Variants in ARHGAP6 observed in about 807,000 individuals in gnomAD.
ARHGAP6 encodes Rho GTPase activating protein 6, also known as rho GTPase-activating protein 6.
A neutral mutation model predicts 55.7 loss-of-function variants in ARHGAP6; 16 were observed. The observed-to-expected ratio is 0.29, with a 90% CI of 0.19 to 0.44. ARHGAP6 has a LOEUF of 0.44. Ranked by LOEUF, ARHGAP6 falls within the 20% of genes least tolerant of loss-of-function variation. The pLI is 1.00. For missense variants in ARHGAP6, 698 were observed against 808.9 expected (o/e 0.86, Z 1.66); for synonymous variants, 382 against 360.9 (o/e 1.06, Z -0.66).
intron 1 of ARHGAP6, among the ~76,000 whole-genome samples, chrX:11,567,696 C>T (rs892184202): frequency 9.2e-6 from 1 of 109,245 alleles, no homozygotes; most frequent in African/African-American, 3.3e-5. Context: ...GGGTCTTGCT[C>T]TGTCGCCCAG....
chrX:11,299,094 T>C, intron 1 of ARHGAP6: 2 of 897,434 alleles, frequency 2.2e-6, no homozygotes, highest in Non-Finnish European at 3.2e-6. Flanking sequence ...TACAGGTCTA[T>C]GATTCTATTA....
intron 2 of ARHGAP6, among the ~76,000 whole-genome samples, chrX:11,227,102 A>G (rs1371586585): frequency 2.7e-5 from 3 of 112,188 alleles, no homozygotes; most frequent in Non-Finnish European, 5.6e-5. Flanking sequence ...CTCTACACTA[A>G]CTGAGATGTG....
intron 1 of ARHGAP6, among the ~76,000 whole-genome samples, chrX:11,576,221 T>C (rs1327303453): frequency 8.9e-6 from 1 of 112,108 alleles, no homozygotes; most frequent in Non-Finnish European, 1.9e-5. Flanking sequence ...GATTGGCCTC[T>C]TTTAGGGTGA....
intron 8 of ARHGAP6, among the ~76,000 whole-genome samples, chrX:11,176,275 T>G (rs6639054): frequency 2.0e-5 from 1 of 49,154 alleles, no homozygotes; most frequent in Non-Finnish European, 3.8e-5. Context: ...TTGCATATAT[T>G]TATATATTTA....
chrX:11,445,625 T>C (rs2050085206), intron 1 of ARHGAP6, among the ~76,000 whole-genome samples: 1 of 112,061 alleles, frequency 8.9e-6, no homozygotes, highest in Non-Finnish European at 1.9e-5. Context: ...AATCTGGAAC[T>C]TTGCAACATC....
intron 1 of ARHGAP6, among the ~76,000 whole-genome samples, chrX:11,625,459 T>G (rs1238882106): frequency 9.0e-6 from 1 of 111,204 alleles, no homozygotes; most frequent in Non-Finnish European, 1.9e-5. Context: ...ATACTTCACG[T>G]TCTCACTCAT....
intron 1 of ARHGAP6, among the ~76,000 whole-genome samples, chrX:11,460,449 C>G (rs1320250467): frequency 9.0e-6 from 1 of 111,393 alleles, no homozygotes; most frequent in Non-Finnish European, 1.9e-5. Flanking sequence ...CCTGTATGAT[C>G]CTGAGTGCAG....
intron 2 of ARHGAP6, among the ~76,000 whole-genome samples, chrX:11,220,389 C>T (rs1268978501): frequency 4.5e-5 from 5 of 111,256 alleles, no homozygotes; most frequent in East Asian, 2.8e-4. Context: ...AAAGAAAGGT[C>T]GGGTTACCCT....
chrX:11,308,474 C>G (rs2048260449), intron 1 of ARHGAP6, among the ~76,000 whole-genome samples: 1 of 111,829 alleles, frequency 8.9e-6, no homozygotes, highest in Admixed American at 9.4e-5. Flanking sequence ...GGCCACAGGA[C>G]AGAGCTGAAC....
intron 1 of ARHGAP6, among the ~76,000 whole-genome samples, chrX:11,424,734 C>T (rs143182023): frequency 8.9e-6 from 1 of 112,380 alleles, no homozygotes; most frequent in African/African-American, 3.2e-5. Flanking sequence ...AAGGACAACA[C>T]CCAGCTGGAA....
At chrX:11,438,676 C>G (rs995822057) in intron 1 of ARHGAP6, among the ~76,000 whole-genome samples, 8 of 112,932 alleles carry the variant, frequency 7.1e-5, no homozygotes, top group Non-Finnish European at 1.5e-4. Flanking sequence ...ACTTCTACTA[C>G]TTCTTACTAG....
At chrX:11,171,932 C>T (rs745331002) in intron 8 of ARHGAP6, among the ~76,000 whole-genome samples, 1 of 112,063 alleles carries the variant, frequency 8.9e-6, no homozygotes, top group Non-Finnish European at 1.9e-5. Flanking sequence ...GGTTGAGAAC[C>T]ACTGGTCTAT....
intron 1 of ARHGAP6, among the ~76,000 whole-genome samples, chrX:11,415,014 G>T (rs2049730889): frequency 9.0e-6 from 1 of 111,647 alleles, no homozygotes; most frequent in Admixed American, 9.5e-5. Context: ...TAAGACAATA[G>T]ATTTTAAGTG....
At chrX:11,552,591 T>G (rs1458747236) in intron 1 of ARHGAP6, among the ~76,000 whole-genome samples, 84 of 66,017 alleles carry the variant, frequency 1.3e-3, no homozygotes, top group African/African-American at 3.8e-3. Flanking sequence ...TATATATATA[T>G]ATATATATAG....
Position 11,174,660 on chromosome X carries a change from T to TTTCTTTC in ARHGAP6, c.1629+3433_1629+3439dup, listed in dbSNP as rs1555964867. Among the ~76,000 whole-genome samples, 274 of 88,116 alleles carry TTTCTTTC rather than the reference T, an allele frequency of 3.1e-3. 6 individuals carry two copies. The highest frequency in any genetic ancestry group is 0.011 in the African/African-American group (255 of 22,669). The allele number at this position is 88,116 out of a possible 115,157, so 76.5% of individuals were successfully genotyped here. ...CTTTCTTTCTTTCTTTCTTTCTTTC[T>TTTCTTTC]TTCTTTCTTTCTTTCTTTCTTTCTT... On this transcript the variant is annotated intron_variant, in intron 8 of 12. Transcript: ENST00000337414.
At chrX:11,170,962 A>G (rs770885344) in intron 8 of ARHGAP6, among the ~76,000 whole-genome samples, 2 of 111,148 alleles carry the variant, frequency 1.8e-5, no homozygotes, top group South Asian at 7.7e-4. Context: ...TCCCTCCAGA[A>G]TGGACTCTCT....
At chrX:11,186,753 G>C (rs1038333191) in intron 4 of ARHGAP6, among the ~76,000 whole-genome samples, 2 of 111,332 alleles carry the variant, frequency 1.8e-5, no homozygotes, top group Non-Finnish European at 3.8e-5. Context: ...CTTGAAACAA[G>C]AAAAAAATTA....
intron 1 of ARHGAP6, among the ~76,000 whole-genome samples, chrX:11,423,915 G>A (rs956687670): frequency 8.9e-6 from 1 of 112,318 alleles, no homozygotes; most frequent in Non-Finnish European, 1.9e-5. Flanking sequence ...TAAGTCACAA[G>A]GCCAAGCTTT....
chrX:11,351,364 G>A (rs2048861541), intron 1 of ARHGAP6: 1 of 964,275 alleles, frequency 1.0e-6, no homozygotes, highest in African/African-American at 2.0e-5. Context: ...AAATACACGT[G>A]ACCTAGAAAC....
Sources: allele counts gnomAD v4.1 joint callset (sites outside exome capture counted in the v4.1 genomes callset), GRCh38; gene constraint gnomAD v4.1.1; transcripts MANE v1.5; gene names NCBI Gene and HGNC (gene_info 2026-07-23, HGNC 2026-07-21).